The following MYCBP2 variants were observed in gnomAD, a reference collection of about 807,000 sequenced individuals.
The protein encoded by MYCBP2 is E3 ubiquitin-protein ligase MYCBP2.
MYCBP2 carries 120 observed loss-of-function variants against 525.3 expected under a neutral mutation model. That is an observed-to-expected ratio of 0.23 (90% CI 0.20 to 0.27). MYCBP2 has a LOEUF of 0.27. Ranked by LOEUF, MYCBP2 falls within the 10% of genes least tolerant of loss-of-function variation. MYCBP2 has a pLI of 1.00. For synonymous variants in MYCBP2, 1,894 were observed against 1,955.8 expected (o/e 0.97, Z 0.83); for missense variants, 4,149 against 5,657.1 (o/e 0.73, Z 8.55).
rs2071193320 is a variant in MYCBP2, at chr13:77,251,461, A to C, written c.2177-106T>G. 69 of 893,434 alleles carry C rather than the reference A, an allele frequency of 7.7e-5. 1 individual carries two copies. In the South Asian group the frequency reaches 1.1e-3, roughly 14 times the overall value. 55.3% of individuals were successfully genotyped at this position (893,434 alleles called of 1,614,324 possible). A position where few individuals can be genotyped will look rare whatever the true frequency, so the allele number is the denominator to read the frequency against. On this transcript the variant is annotated intron_variant, in intron 14 of 82. Transcript: ENST00000544440. Reference sequence around the variant, plus strand: ...AAAATGACAGCATGCTAATCCAAGCAATTATACAAAGAAATGCTTAAATTT... The same window carrying C: ...AAAATGACAGCATGCTAATCCAAGCCATTATACAAAGAAATGCTTAAATTT...
chr13:77,117,106 G>T (rs754350231), intron 55 of MYCBP2, among the ~76,000 whole-genome samples: 1 of 151,838 alleles, frequency 6.6e-6, no homozygotes, highest in African/African-American at 2.4e-5. Context: ...ACTTCTAAAT[G>T]TAAAAAGTCT....
rs746035395 is a variant in MYCBP2 at position 77,168,605 on chromosome 13, C to T, written c.5937G>A (p.Pro1979=). 17 of 1,613,984 alleles carry T rather than the reference C, an allele frequency of 1.1e-5. No homozygotes were observed. The highest frequency in any genetic ancestry group is 4.0e-5 in the African/African-American group (3 of 74,882). Residue 1979 remains proline, a synonymous_variant, in exon 40 of 83, where the codon CCG becomes CCA. Transcript: ENST00000544440. The part of the protein sequence containing the change: ...EVFGLVQQLL[P]SVAILNQKYA... Reference sequence around the variant, plus strand: ...ACTTCTGATTCAAAATGGCAACTGACGGAAGCAATTGTTGGACAAGGCCAA... The same window carrying T: ...ACTTCTGATTCAAAATGGCAACTGATGGAAGCAATTGTTGGACAAGGCCAA...
chr13:77,127,469 C>T (rs1479230763), intron 52 of MYCBP2, among the ~76,000 whole-genome samples: 4 of 151,734 alleles, frequency 2.6e-5, no homozygotes, highest in Admixed American at 2.0e-4. Flanking sequence ...TTCTCATTGT[C>T]ATCATTACTC....
Position 77,169,611 on chromosome 13 carries a change from C to T in MYCBP2, c.5895+3G>A. The T allele has an allele frequency of 6.2e-7, 1 of 1,604,246 alleles. No individual in the cohort carries two copies. Among genetic ancestry groups the T allele is most frequent in the Non-Finnish European group, 8.5e-7 (1 of 1,171,752 alleles). ...TTCAAAGTTATAGAATTAAATTACA[C>T]ACCTTGGGAATAGCAGCAGCTACTG... On this transcript the variant is annotated splice_donor_region_variant and intron_variant, in intron 39 of 82. Coordinates refer to ENST00000544440, the MANE Select transcript of MYCBP2 (RefSeq NM_015057.5).
At chr13:77,174,193 TAAG>T in intron 37 of MYCBP2, 115 bp downstream of exon 37, 1 of 783,652 alleles carries the variant, frequency 1.3e-6, no homozygotes, top group East Asian at 2.6e-5. Context: ...AAGTATGTGC[TAAG>T]AAGATACACT....
chr13:77,180,388 C>T (rs2060105454), intron 33 of MYCBP2, 70 bp from the exon 34 acceptor site: 1 of 1,321,652 alleles, frequency 7.6e-7, no homozygotes, highest in African/African-American at 1.5e-5. Context: ...AATTTGAAAA[C>T]CTTGTCTTTC....
intron 79 of MYCBP2, 142 bp downstream of exon 79, chr13:77,056,844 C>G: frequency 1.6e-6 from 1 of 623,202 alleles, no homozygotes; most frequent in South Asian, 2.0e-5. Context: ...ATTATATTCT[C>G]AGGTTCCACA....
At chr13:77,140,023 A>T in intron 51 of MYCBP2, 24 bp downstream of exon 51, 1 of 1,522,852 alleles carries the variant, frequency 6.6e-7, no homozygotes, top group Non-Finnish European at 9.0e-7. Flanking sequence ...AAAATTTACT[A>T]CCAAAAGCTC....
chr13:77,285,889 G>C lies in MYCBP2; in HGVS notation c.594+2272C>G, dbSNP rs149708199. ...GAAAGGAAAGGAAAGGAAAGGAAAGGAAAGGAAAGCAAAGGAAAGCAAAGG... is the reference window on the plus strand; with the variant it reads ...GAAAGGAAAGGAAAGGAAAGGAAAGCAAAGGAAAGCAAAGGAAAGCAAAGG... On this transcript the variant is annotated intron_variant, in intron 3 of 82. Coordinates refer to ENST00000544440, the MANE Select transcript of MYCBP2 (RefSeq NM_015057.5). Among the ~76,000 whole-genome samples, 1,161 of 126,092 alleles carry C rather than the reference G, an allele frequency of 9.2e-3. 16 individuals are homozygous for C. Among genetic ancestry groups the C allele is most frequent in the African/African-American group, 0.038 (1,099 of 28,690 alleles). The allele number at this position is 126,092 out of a possible 152,430, so 82.7% of individuals were successfully genotyped here. A position where few individuals can be genotyped will look rare whatever the true frequency, so the allele number is the denominator to read the frequency against.
intron 14 of MYCBP2, among the ~76,000 whole-genome samples, chr13:77,257,054 A>G (rs78323561): frequency 0.029 from 4,491 of 152,282 alleles, 94 homozygotes; most frequent in East Asian, 0.052. Flanking sequence ...TTTAACCATA[A>G]AAAACACTGA....
intron 3 of MYCBP2, among the ~76,000 whole-genome samples, chr13:77,286,203 G>A (rs2076742194): frequency 6.6e-6 from 1 of 152,170 alleles, no homozygotes; most frequent in Non-Finnish European, 1.5e-5. Context: ...TTCCATTTAT[G>A]CTGCTATTTC....
intron 39 of MYCBP2, among the ~76,000 whole-genome samples, chr13:77,168,980 T>C (rs1033332570): frequency 2.6e-5 from 4 of 152,198 alleles, no homozygotes; most frequent in Admixed American, 2.6e-4. Flanking sequence ...TCCTTTAACA[T>C]TGCTATTGTT....
chr13:77,061,987 T>C (rs1053828428), intron 74 of MYCBP2, among the ~76,000 whole-genome samples, 197 bp from the exon 75 acceptor site: 1 of 152,256 alleles, frequency 6.6e-6, no homozygotes, highest in African/African-American at 2.4e-5. Context: ...CAATCATTAA[T>C]GTGCTTTGCA....
At chr13:77,313,666 C>T (rs759229052) in intron 1 of MYCBP2, among the ~76,000 whole-genome samples, 3 of 151,926 alleles carry the variant, frequency 2.0e-5, no homozygotes, top group East Asian at 3.9e-4. Context: ...GCCAAGAGAA[C>T]GAGAAGACAA....
At chr13:77,203,324 A>G (rs2062857848) in intron 26 of MYCBP2, among the ~76,000 whole-genome samples, 1 of 152,190 alleles carries the variant, frequency 6.6e-6, no homozygotes, top group African/African-American at 2.4e-5. Context: ...AATACCTAGG[A>G]ATCCAACTTA....
At chr13:77,130,508 C>T (rs1406553506) in intron 52 of MYCBP2, among the ~76,000 whole-genome samples, 1 of 151,872 alleles carries the variant, frequency 6.6e-6, no homozygotes, top group Non-Finnish European at 1.5e-5. Context: ...ACATATAAAA[C>T]TCTAAACAAA....
chr13:77,226,716 G>C (rs959918755), intron 18 of MYCBP2, among the ~76,000 whole-genome samples: 1 of 152,076 alleles, frequency 6.6e-6, no homozygotes, highest in Non-Finnish European at 1.5e-5. Flanking sequence ...ATCCAGGTGA[G>C]ACAAAATCTA....
chr13:77,068,872 A>G (rs781550041), intron 69 of MYCBP2, 41 bp from the exon 70 acceptor site: 3 of 1,587,332 alleles, frequency 1.9e-6, no homozygotes, highest in South Asian at 2.3e-5. Context: ...ATATAGGGTT[A>G]GTTTGATTTA....
intron 5 of MYCBP2, among the ~76,000 whole-genome samples, chr13:77,271,041 G>GT (rs1257732112): frequency 1.3e-5 from 2 of 151,272 alleles, no homozygotes. Context: ...AGTTCGATTT[G>GT]TTTTTTTTCC....
Sources: gnomAD v4.1 joint callset for allele counts (sites outside exome capture counted in the v4.1 genomes callset) on GRCh38, gnomAD v4.1.1 for gene constraint, MANE v1.5 for transcripts, NCBI Gene and HGNC (gene_info 2026-07-23, HGNC 2026-07-21) for gene names.